The following ARHGAP6 variants were observed in gnomAD, a reference collection of about 807,000 sequenced individuals.
ARHGAP6 encodes Rho GTPase activating protein 6.
ARHGAP6 carries 16 observed loss-of-function variants against 55.7 expected under a neutral mutation model. That is an observed-to-expected ratio of 0.29 (90% confidence interval 0.19 to 0.44). The LOEUF (loss-of-function observed/expected upper bound fraction) is 0.44. Among genes scored for constraint, ARHGAP6 ranks in the 20% least tolerant of loss-of-function variants. The probability of loss-of-function intolerance (pLI) is 1.00; values close to 1 mark genes in which losing one functional copy is unlikely to be tolerated. For synonymous variants in ARHGAP6, 382 were observed against 360.9 expected, an observed-to-expected ratio of 1.06 and a Z score of -0.66; for missense variants, 698 against 808.9, an observed-to-expected ratio of 0.86 and a Z score of 1.66.
In ARHGAP6 at chrX:11,611,780, T is replaced by C. The variant is rs755951575; in HGVS notation, c.588+52461A>G. On this transcript the variant is annotated intron_variant, in intron 1 of 12. Transcript: ENST00000337414. Reference sequence around the variant, plus strand: ...AGGCTACTCACTCCATCAAGTTTTCTTGGAGTTCCCCCAAGTTATAACCAT... The same window carrying C: ...AGGCTACTCACTCCATCAAGTTTTCCTGGAGTTCCCCCAAGTTATAACCAT... 1.4e-4 allele frequency among the ~76,000 whole-genome samples: 16 copies of C among 111,638 alleles called. No homozygotes were observed. In the South Asian group the frequency reaches 3.8e-3, roughly 26 times the overall value.
intron 1 of ARHGAP6, among the ~76,000 whole-genome samples, chrX:11,461,593 AC>A (rs1342897888): frequency 8.9e-6 from 1 of 112,045 alleles, no homozygotes; most frequent in Non-Finnish European, 1.9e-5. Flanking sequence ...GGGTTGACAT[AC>A]TTGTCTCTCT....
Position 11,577,703 on chromosome X carries a change from G to A in ARHGAP6, c.588+86538C>T, listed in dbSNP as rs146460309. 2.1e-4 allele frequency among the ~76,000 whole-genome samples: 24 copies of A among 111,702 alleles called. 1 individual carries two copies. The East Asian group carries it at 6.8e-3, about 32-fold the overall frequency. On this transcript the variant is annotated intron_variant, in intron 1 of 12. Coordinates refer to ENST00000337414, the MANE Select transcript of ARHGAP6 (RefSeq NM_013427.3). Reference sequence around the variant, plus strand: ...GAAGAGCAACTAGAGGCCCAGAATGGTGGTGTTGGTTGGGGAGGGGGAATT... The same window carrying A: ...GAAGAGCAACTAGAGGCCCAGAATGATGGTGTTGGTTGGGGAGGGGGAATT...
chrX:11,380,046 A>C (rs1386004440), intron 1 of ARHGAP6, among the ~76,000 whole-genome samples: 4 of 112,030 alleles, frequency 3.6e-5, no homozygotes, highest in Non-Finnish European at 5.6e-5. Context: ...TAATTATTTC[A>C]CTGGCTCTCA....
chrX:11,299,789 C>T (rs1331814222), intron 1 of ARHGAP6, among the ~76,000 whole-genome samples: 5 of 111,615 alleles, frequency 4.5e-5, no homozygotes, highest in African/African-American at 1.6e-4. Context: ...GTGGAAATGA[C>T]CAGGATAAGA....
intron 2 of ARHGAP6, chrX:11,221,460 G>A (rs2046969268): frequency 6.5e-6 from 1 of 154,583 alleles, no homozygotes; most frequent in Non-Finnish European, 1.4e-5. Context: ...ACGAATTAGT[G>A]GACAAGACTG....
intron 1 of ARHGAP6, among the ~76,000 whole-genome samples, chrX:11,458,540 A>T (rs1410778036): frequency 8.9e-6 from 1 of 112,519 alleles, no homozygotes; most frequent in Non-Finnish European, 1.9e-5. Context: ...AGCACCAACT[A>T]AACTGTGTAT....
chrX:11,138,697 C>T lies in ARHGAP6; in HGVS notation c.*166G>A. On this transcript the variant is annotated 3_prime_UTR_variant, in exon 13 of 13. Coordinates refer to ENST00000337414, the MANE Select transcript of ARHGAP6 (RefSeq NM_013427.3). Reference sequence around the variant, plus strand: ...CGCAATGGAACCTTATTCTCAATGGCGGGGGCGTGAGTGCTCTACCTCTGT... The same window carrying T: ...CGCAATGGAACCTTATTCTCAATGGTGGGGGCGTGAGTGCTCTACCTCTGT... 4 of 530,767 alleles carry T rather than the reference C, an allele frequency of 7.5e-6. No homozygotes were observed. The highest frequency in any genetic ancestry group is 8.9e-6 in the Non-Finnish European group (3 of 335,389). The allele number at this position is 530,767 out of a possible 1,213,427, so 43.7% of individuals were successfully genotyped here.
intron 3 of ARHGAP6, among the ~76,000 whole-genome samples, chrX:11,195,753 T>G (rs1262433997): frequency 9.2e-6 from 1 of 108,378 alleles, no homozygotes; most frequent in Non-Finnish European, 1.9e-5. Flanking sequence ...TACAACAAAC[T>G]CTTGCAACAC....
At chrX:11,664,031 C>G (rs1247113440) in intron 1 of ARHGAP6, among the ~76,000 whole-genome samples, 1 of 112,743 alleles carries the variant, frequency 8.9e-6, no homozygotes, top group Non-Finnish European at 1.9e-5. Context: ...CAAAGTAGAG[C>G]CAACAAGTCC....
chrX:11,284,971 T>G (rs1290765541), intron 1 of ARHGAP6, among the ~76,000 whole-genome samples: 6 of 111,309 alleles, frequency 5.4e-5, no homozygotes, highest in African/African-American at 2.0e-4. Flanking sequence ...CTGATTCTCA[T>G]GCATATTTTT....
At chrX:11,228,482 G>A (rs2047085681) in intron 2 of ARHGAP6, among the ~76,000 whole-genome samples, 1 of 111,981 alleles carries the variant, frequency 8.9e-6, no homozygotes, top group African/African-American at 3.2e-5. Flanking sequence ...GTTTGTCAGT[G>A]AACTAGACTT....
intron 1 of ARHGAP6, among the ~76,000 whole-genome samples, chrX:11,332,355 A>T (rs2048573204): frequency 8.9e-6 from 1 of 111,964 alleles, no homozygotes; most frequent in Non-Finnish European, 1.9e-5. Context: ...ATTAATTTGC[A>T]ACTTTTTTCT....
At chrX:11,158,084 C>T (rs1471113891) in intron 9 of ARHGAP6, among the ~76,000 whole-genome samples, 1 of 111,878 alleles carries the variant, frequency 8.9e-6, no homozygotes, top group Non-Finnish European at 1.9e-5. Context: ...TTAAAAGTCT[C>T]CATTTCCCTC....
At chrX:11,560,668 C>T (rs920604169) in intron 1 of ARHGAP6, among the ~76,000 whole-genome samples, 4 of 112,121 alleles carry the variant, frequency 3.6e-5, no homozygotes, top group African/African-American at 1.3e-4. Context: ...GGTAGATAAT[C>T]CTTCCTCCAA....
At chrX:11,362,335 A>T (rs2049023084) in intron 1 of ARHGAP6, among the ~76,000 whole-genome samples, 1 of 111,243 alleles carries the variant, frequency 9.0e-6, no homozygotes, top group African/African-American at 3.3e-5. Context: ...ATAAAAAATG[A>T]TGAGTTCATG....
chrX:11,179,295 T>A lies in ARHGAP6; in HGVS notation c.1480+7A>T. 8.4e-7 allele frequency: 1 copy of A among 1,197,324 alleles called. No homozygotes were observed. Among genetic ancestry groups the A allele is most frequent in the Non-Finnish European group, 1.1e-6 (1 of 887,754 alleles). On this transcript the variant is annotated splice_region_variant and intron_variant, in intron 7 of 12. Transcript: ENST00000337414. ...GCCACTTTCCCACATATGGCTGTAT[T>A]ACGCACAGAGAGTGTTGATGAAAGC...
chrX:11,608,018 T>G (rs1006503437), intron 1 of ARHGAP6, among the ~76,000 whole-genome samples: 1 of 112,526 alleles, frequency 8.9e-6, no homozygotes, highest in Non-Finnish European at 1.9e-5. Flanking sequence ...CAGATTATTA[T>G]TTAAGAATGT....
chrX:11,265,568 G>C, intron 1 of ARHGAP6: 1 of 500,294 alleles, frequency 2.0e-6, no homozygotes, highest in Non-Finnish European at 2.6e-6. Context: ...ACACATCTCA[G>C]ACACTGATCA....
At chrX:11,171,487 C>A (rs2046091151) in intron 8 of ARHGAP6, among the ~76,000 whole-genome samples, 1 of 110,246 alleles carries the variant, frequency 9.1e-6, no homozygotes, top group Admixed American at 9.5e-5. Flanking sequence ...CCACAGTCAA[C>A]TAATAGGCAT....
Sources: allele counts gnomAD v4.1 joint callset (sites outside exome capture counted in the v4.1 genomes callset), GRCh38; gene constraint gnomAD v4.1.1; transcripts MANE v1.5; gene names NCBI Gene and HGNC (gene_info 2026-07-23, HGNC 2026-07-21).